Variants in STK39 observed in about 807,000 individuals in gnomAD.
STK39 encodes the protein serine/threonine kinase 39.
Under a neutral mutation model 77.8 loss-of-function variants are expected in STK39, and 20 were observed. That is an observed-to-expected ratio of 0.26 (90% CI 0.18 to 0.37). STK39 has a LOEUF of 0.37. STK39 is among the 10% of genes least tolerant of loss of function. The probability of loss-of-function intolerance (pLI) is 1.00; values close to 1 mark genes in which losing one functional copy is unlikely to be tolerated. For synonymous variants in STK39, 246 were observed against 234.1 expected (o/e 1.05, Z -0.47); for missense variants, 479 against 656.5 (o/e 0.73, Z 2.95).
chr2:168,016,387 CAAAAAAAAAAAAAAA>C (rs869084308), intron 15 of STK39, among the ~76,000 whole-genome samples: 12 of 65,650 alleles, frequency 1.8e-4, no homozygotes, highest in African/African-American at 4.4e-4. Flanking sequence ...GGCCTTTGTT[CAAAAAAAAAAAAAAA>C]AAAAAAAAAA....
In STK39 at chr2:168,188,030, T is replaced by G. The variant is rs576815726; in HGVS notation, c.209-5940A>C. 4.7e-4 allele frequency among the ~76,000 whole-genome samples: 71 copies of G among 152,352 alleles called. 1 individual carries two copies. Among genetic ancestry groups the G allele is most frequent in the African/African-American group, 1.5e-3 (63 of 41,584 alleles). Reference sequence around the variant, plus strand: ...AGCACGTGCAAGAACTCCTTAAGTATGCTCAGCTGTCCTTTGCCAGTGAAC... The same window carrying G: ...AGCACGTGCAAGAACTCCTTAAGTAGGCTCAGCTGTCCTTTGCCAGTGAAC... On this transcript the variant is annotated intron_variant, in intron 1 of 17. Coordinates refer to ENST00000355999, the MANE Select transcript of STK39 (RefSeq NM_013233.3).
At chr2:168,225,656 A>G (rs1377915492) in intron 1 of STK39, among the ~76,000 whole-genome samples, 3 of 152,226 alleles carry the variant, frequency 2.0e-5, no homozygotes, top group Non-Finnish European at 2.9e-5. Context: ...AAAACAATAA[A>G]CTGCTCTTTA....
chr2:168,239,831 C>T (rs542173956), intron 1 of STK39, among the ~76,000 whole-genome samples: 4 of 152,168 alleles, frequency 2.6e-5, no homozygotes, highest in East Asian at 1.9e-4. Flanking sequence ...TGCCAGGGAG[C>T]GAAAGACCCA....
chr2:168,136,375 A>C (rs1687840733), intron 8 of STK39, among the ~76,000 whole-genome samples: 1 of 146,754 alleles, frequency 6.8e-6, no homozygotes, highest in Admixed American at 6.7e-5. Flanking sequence ...CTCAAAAAAA[A>C]AAAAAAAAGA....
chr2:167,999,575 A>C lies in STK39; in HGVS notation c.1498+13059T>G, dbSNP rs373926547. 3.2e-3 allele frequency among the ~76,000 whole-genome samples: 484 copies of C among 151,782 alleles called. 1 individual carries two copies. Among genetic ancestry groups the C allele is most frequent in the East Asian group, 7.8e-3 (40 of 5,152 alleles). ...CTCCTGGGTTCACGCCATTCTCCTG[A>C]CTCAGCCTCCCGAGTAGCTGGAACT... is the stretch of plus-strand genomic sequence containing the variant. On this transcript the variant is annotated intron_variant, in intron 16 of 17. Coordinates refer to ENST00000355999, the MANE Select transcript of STK39 (RefSeq NM_013233.3).
At chr2:168,177,357 G>A (rs1404344315) in intron 2 of STK39, among the ~76,000 whole-genome samples, 3 of 152,102 alleles carry the variant, frequency 2.0e-5, no homozygotes, top group Non-Finnish European at 4.4e-5. Context: ...TGTATGTGTA[G>A]GAATGAGCAA....
intron 2 of STK39, among the ~76,000 whole-genome samples, chr2:168,168,654 G>A (rs897171312): frequency 6.6e-6 from 1 of 152,164 alleles, no homozygotes; most frequent in Non-Finnish European, 1.5e-5. Context: ...CCAAAATTCT[G>A]TAATATGTAA....
chr2:168,198,559 A>G (rs953551332), intron 1 of STK39, among the ~76,000 whole-genome samples: 3 of 152,246 alleles, frequency 2.0e-5, no homozygotes, highest in Non-Finnish European at 4.4e-5. Flanking sequence ...AAAGAAATAC[A>G]TAGATTTCAT....
chr2:168,213,765 G>C (rs574093688), intron 1 of STK39, among the ~76,000 whole-genome samples: 17 of 151,872 alleles, frequency 1.1e-4, no homozygotes, highest in African/African-American at 3.4e-4. Context: ...TTAACCTTGG[G>C]GGGAATGTTT....
chr2:168,033,286 G>A (rs934587627), intron 14 of STK39, among the ~76,000 whole-genome samples: 2 of 152,232 alleles, frequency 1.3e-5, no homozygotes, highest in East Asian at 1.9e-4. Flanking sequence ...GAGAGCATTT[G>A]AGGTGCTTTG....
Position 168,080,547 on chromosome 2 carries a change from G to A in STK39, c.1090-5316C>T, listed in dbSNP as rs1029139019. Among the ~76,000 whole-genome samples, 19 of 151,936 alleles carry A rather than the reference G, an allele frequency of 1.3e-4. 1 individual carries two copies. Among genetic ancestry groups the A allele is most frequent in the Non-Finnish European group, 2.2e-4 (15 of 67,998 alleles). On this transcript the variant is annotated intron_variant, in intron 10 of 17. Transcript: ENST00000355999. ...CAGGAGGCTGAGGCAGGAGAATGAC[G>A]TGAACCTGGGAGGCGGAGTTTGCAG... is the stretch of plus-strand genomic sequence containing the variant.
chr2:168,189,349 T>C (rs1463341403), intron 1 of STK39, among the ~76,000 whole-genome samples: 1 of 150,868 alleles, frequency 6.6e-6, no homozygotes, highest in East Asian at 2.0e-4. Context: ...GATAGAGGAA[T>C]CAAACCAGAA....
In STK39 at chr2:168,030,243, A is replaced by G. The variant is rs138150369; in HGVS notation, c.1377-13148T>C. On this transcript the variant is annotated intron_variant, in intron 14 of 17. Coordinates refer to ENST00000355999, the MANE Select transcript of STK39 (RefSeq NM_013233.3). ...TGACAGAGCGAGACTCTGTCTCAAA[A>G]TAATAATAATAATCTCCCAATTTTG... Among the ~76,000 whole-genome samples, 94 of 152,258 alleles carry G rather than the reference A, an allele frequency of 6.2e-4. 1 individual carries two copies. In the East Asian group the frequency reaches 0.016, roughly 26 times the overall value.
intron 10 of STK39, among the ~76,000 whole-genome samples, chr2:168,101,720 C>T (rs1261194255): frequency 2.0e-5 from 3 of 151,538 alleles, no homozygotes; most frequent in Admixed American, 6.6e-5. Flanking sequence ...CCTGGGCAAC[C>T]GAGCAAGACT....
At chr2:168,150,805 A>C (rs184098351) in intron 5 of STK39, among the ~76,000 whole-genome samples, 1 of 152,050 alleles carries the variant, frequency 6.6e-6, no homozygotes, top group Non-Finnish European at 1.5e-5. Flanking sequence ...TACTATTAGT[A>C]ATCAGTTATT....
intron 1 of STK39, among the ~76,000 whole-genome samples, chr2:168,246,399 G>C (rs1375434793): frequency 1.3e-5 from 2 of 152,256 alleles, no homozygotes; most frequent in Non-Finnish European, 2.9e-5. Context: ...GGTGATATTT[G>C]TGAGCCGGCC....
chr2:168,115,257 T>C (rs577072129), intron 10 of STK39, among the ~76,000 whole-genome samples: 9 of 152,304 alleles, frequency 5.9e-5, no homozygotes, highest in African/African-American at 2.2e-4. Flanking sequence ...TTAAATACCA[T>C]ATGCTAGGCA....
At chr2:168,160,691 G>A (rs754240939) in intron 5 of STK39, among the ~76,000 whole-genome samples, 3 of 152,252 alleles carry the variant, frequency 2.0e-5, no homozygotes, top group East Asian at 1.9e-4. Flanking sequence ...TCAGAATTTC[G>A]ATCAAGTCAG....
In STK39 at chr2:168,247,443, CGGA is replaced by C. The variant is rs756047172; in HGVS notation, c.-11_-9del. The C allele has an allele frequency of 6.9e-6, 9 of 1,296,376 alleles. No individual in the cohort carries two copies. Among genetic ancestry groups the C allele is most frequent in the South Asian group, 1.8e-5 (1 of 55,862 alleles). 80.3% of individuals were successfully genotyped at this position (1,296,376 alleles called of 1,614,324 possible). On this transcript the variant is annotated 5_prime_UTR_variant, in exon 1 of 18. Transcript: ENST00000355999. Reference sequence around the variant, plus strand: ...GCCGCTCGGCTCCGCCATGATGCTGCGGAGGAGAGCAGGAGGACGCGCCGGCCG... The same window carrying C: ...GCCGCTCGGCTCCGCCATGATGCTGCGGAGAGCAGGAGGACGCGCCGGCCG...
Sources: gnomAD v4.1 joint callset for allele counts (sites outside exome capture counted in the v4.1 genomes callset) on GRCh38, gnomAD v4.1.1 for gene constraint, MANE v1.5 for transcripts, NCBI Gene and HGNC (gene_info 2026-07-23, HGNC 2026-07-21) for gene names.